RIPOR1: variants seen among roughly 807,000 people sequenced by gnomAD.
RIPOR1 encodes rho family-interacting cell polarization regulator 1.
Under a neutral mutation model 116.5 loss-of-function variants are expected in RIPOR1, and 58 were observed. That is an observed-to-expected ratio of 0.50 (90% confidence interval 0.40 to 0.62). The LOEUF is 0.62. RIPOR1 is among the 20% of genes least tolerant of loss of function. The pLI, the probability that RIPOR1 is intolerant of heterozygous loss-of-function variation, is 0.00. For missense variants in RIPOR1, 1,372 were observed against 1,586.2 expected (o/e 0.86, Z 2.29); for synonymous variants, 605 against 650.0 (o/e 0.93, Z 1.05).
In RIPOR1 at chr16:67,542,830, C is replaced by G; in HGVS notation, c.2044C>G (p.Leu682Val). The change falls in exon 13 of 22, where the codon CTA (leucine) becomes GTA (valine). Residue 682 changes from leucine to valine, a missense_variant. Coordinates refer to ENST00000042381, the MANE Select transcript of RIPOR1 (RefSeq NM_024519.4). The surrounding 1 kb of genome is among the most constrained non-coding windows in gnomAD (Gnocchi z 4.6). ...ILINVSPSTS[L>V]ELATLSSPSK... ...TATAAATGTAAGCCCTTCCACTTCTCTAGAACTTGCTACCCTCTCCAGCCC... is the reference window on the plus strand; with the variant it reads ...TATAAATGTAAGCCCTTCCACTTCTGTAGAACTTGCTACCCTCTCCAGCCC... The G allele has an allele frequency of 6.2e-7, 1 of 1,614,030 alleles. No individual in the cohort carries two copies. The highest frequency in any genetic ancestry group is 8.5e-7 in the Non-Finnish European group (1 of 1,180,004).
At chr16:67,532,036 C>T (rs1352812487) in intron 1 of RIPOR1, among the ~76,000 whole-genome samples, 4 of 151,882 alleles carry the variant, frequency 2.6e-5, no homozygotes, top group African/African-American at 4.8e-5. Flanking sequence ...GGACTACAGG[C>T]GCCAGCCACC....
Position 67,542,367 on chromosome 16 carries a change from A to C in RIPOR1, c.1581A>C (p.Leu527=). ...CAGACCCTGCCCCATCTGCACACCTAGACTCAGTTCATAAGTCCACAGACT... is the reference window on the plus strand; with the variant it reads ...CAGACCCTGCCCCATCTGCACACCTCGACTCAGTTCATAAGTCCACAGACT... The part of the protein sequence containing the change: ...TSTDPAPSAH[L]DSVHKSTDSG... Residue 527 remains leucine (L), a synonymous_variant, in exon 13 of 22, where the codon CTA becomes CTC. Transcript: ENST00000042381. This position sits in a 1 kb window ranked among gnomAD's most constrained non-coding sequence, Gnocchi z 4.6. 1 of 1,613,816 alleles carries C rather than the reference A, an allele frequency of 6.2e-7. No individual in the cohort carries two copies. The highest frequency in any genetic ancestry group is 1.1e-5 in the South Asian group (1 of 91,068).
At chr16:67,539,229 A>G (rs961840674) in intron 4 of RIPOR1, 161 bp downstream of exon 4, 4 of 636,236 alleles carry the variant, frequency 6.3e-6, no homozygotes, top group Admixed American at 6.3e-5. Context: ...CTATCCCCAA[A>G]CTTTGCTGTG....
rs749975909 is a variant in RIPOR1 at position 67,542,048 on chromosome 16, C to A, written c.1262C>A (p.Thr421Asn). Reference sequence around the variant, plus strand: ...CAAGTTGCCTTCCGCAGGCCTGAGACCCCCAGCTCTGGGCCCTTGGATGAG... The same window carrying A: ...CAAGTTGCCTTCCGCAGGCCTGAGAACCCCAGCTCTGGGCCCTTGGATGAG... Reference protein sequence around the residue: ...PIQVAFRRPETPSSGPLDEEG... With the variant: ...PIQVAFRRPENPSSGPLDEEG... Residue 421 changes from threonine (T) to asparagine (N), a missense_variant, in exon 13 of 22, where the codon ACC becomes AAC. Physicochemically the swap from Thr to Asn is moderately conservative, Grantham distance 65. This residue lies in a region of RIPOR1 where 1,005 missense variants were observed against 1,144.7 expected (regional missense o/e 0.88). Transcript: ENST00000042381. This position sits in a 1 kb window ranked among gnomAD's most constrained non-coding sequence, Gnocchi z 4.6. 2.5e-6 allele frequency: 4 copies of A among 1,606,116 alleles called. No individual in the cohort carries two copies. The highest frequency in any genetic ancestry group is 3.4e-6 in the Non-Finnish European group (4 of 1,174,188).
rs2142439409 is a variant in RIPOR1, at chr16:67,531,837, G to A, written c.-24+2923G>A. ...AGTGATATTAAAGATTTAGAGTCCT[G>A]GGGTCAGACAGCCTGGGTTTGAATC... On this transcript the variant is annotated intron_variant, in intron 1 of 21. Transcript: ENST00000042381. The surrounding 1 kb of genome is among the most constrained non-coding windows in gnomAD (Gnocchi z 4.2). Among the ~76,000 whole-genome samples, 1 of 152,258 alleles carries A rather than the reference G, an allele frequency of 6.6e-6. No individual in the cohort carries two copies. The highest frequency in any genetic ancestry group is 1.5e-5 in the Non-Finnish European group (1 of 68,008).
chr16:67,527,672 C>A (rs35920865), upstream of RIPOR1, among the ~76,000 whole-genome samples: 55 of 151,946 alleles, frequency 3.6e-4, no homozygotes, highest in African/African-American at 1.2e-3. Flanking sequence ...GTCAGGAGAT[C>A]GAGACCATCC....
chr16:67,526,817 G>A (rs1295155893), upstream of RIPOR1, among the ~76,000 whole-genome samples: 4 of 152,328 alleles, frequency 2.6e-5, no homozygotes, highest in East Asian at 5.8e-4. Flanking sequence ...TGGCTGAGAG[G>A]TGACTTTAGG....
intron 1 of RIPOR1, among the ~76,000 whole-genome samples, chr16:67,535,782 A>T (rs1237490377): frequency 6.6e-6 from 1 of 152,076 alleles, no homozygotes; most frequent in Admixed American, 6.5e-5. Flanking sequence ...GGCAGGTGAT[A>T]AGGCTGGGGA....
intron 1 of RIPOR1, among the ~76,000 whole-genome samples, chr16:67,520,324 T>C (rs1230560158): frequency 1.3e-5 from 2 of 148,190 alleles, no homozygotes; most frequent in African/African-American, 5.0e-5. Context: ...GAAGTTGCAG[T>C]GAGCTGAGAT....
chr16:67,529,817 A>T lies in RIPOR1; in HGVS notation c.-24+903A>T, dbSNP rs1167533893. On this transcript the variant is annotated intron_variant, in intron 1 of 21. Transcript: ENST00000042381. This position sits in a 1 kb window ranked among gnomAD's most constrained non-coding sequence, Gnocchi z 4.1. ...TTCGGCCAACGCACAGCATCTGAGGAGGGTTATGACCATCTGGCAGATGCA... is the reference window on the plus strand; with the variant it reads ...TTCGGCCAACGCACAGCATCTGAGGTGGGTTATGACCATCTGGCAGATGCA... The T allele has an allele frequency of 3.3e-6, 5 of 1,535,888 alleles. No individual in the cohort carries two copies. The highest frequency in any genetic ancestry group is 4.4e-6 in the Non-Finnish European group (5 of 1,146,878).
In RIPOR1 at chr16:67,541,388, C is replaced by G; in HGVS notation, c.802-42C>G. On this transcript the variant is annotated intron_variant, in intron 10 of 21. Coordinates refer to ENST00000042381, the MANE Select transcript of RIPOR1 (RefSeq NM_024519.4). The surrounding 1 kb of genome is among the most constrained non-coding windows in gnomAD (Gnocchi z 4.6). ...CCTCAGATTTCCCATGATCTCATAGCCCCTGCACCCTTGTGACCCTACCAT... is the reference window on the plus strand; with the variant it reads ...CCTCAGATTTCCCATGATCTCATAGGCCCTGCACCCTTGTGACCCTACCAT... 6.3e-7 allele frequency: 1 copy of G among 1,593,826 alleles called. No homozygotes were observed. The highest frequency in any genetic ancestry group is 8.6e-7 in the Non-Finnish European group (1 of 1,168,368).
In RIPOR1 at chr16:67,542,116, T is replaced by G; in HGVS notation, c.1330T>G (p.Tyr444Asp). 6.2e-7 allele frequency: 1 copy of G among 1,613,224 alleles called. No homozygotes were observed. Among genetic ancestry groups the G allele is most frequent in the Non-Finnish European group, 8.5e-7 (1 of 1,179,330 alleles). Reference protein sequence around the residue: ...APVLANGHAPYSRTLSHISEA... With the variant: ...APVLANGHAPDSRTLSHISEA... The stretch of plus-strand genomic sequence containing the variant: ...AGTCCTGGCAAATGGGCATGCACCC[T>G]ACAGTCGGACTCTGAGCCACATCAG... Residue 444 changes from tyrosine to aspartate, a missense_variant, in exon 13 of 22, where the codon TAC (tyrosine) becomes GAC (aspartate). Tyr to Asp is a radical substitution (Grantham distance 160, BLOSUM62 -3). Transcript: ENST00000042381. This position sits in a 1 kb window ranked among gnomAD's most constrained non-coding sequence, Gnocchi z 4.6.
At chr16:67,525,251 G>T (rs1183177409), upstream of RIPOR1, among the ~76,000 whole-genome samples, 1 of 152,166 alleles carries the variant, frequency 6.6e-6, no homozygotes, top group Non-Finnish European at 1.5e-5. Flanking sequence ...AGCATTTGGG[G>T]ACTTGGGAGG....
chr16:67,543,430 A>G lies in RIPOR1; in HGVS notation c.2561A>G (p.Asn854Ser), dbSNP rs149083649. Residue 854 changes from asparagine (N) to serine (S), a missense_variant, in exon 14 of 22, where the codon AAT (asparagine) becomes AGT (serine). This residue lies in a region of RIPOR1 where 1,005 missense variants were observed against 1,144.7 expected (regional missense o/e 0.88). Transcript: ENST00000042381. This position sits in a 1 kb window ranked among gnomAD's most constrained non-coding sequence, Gnocchi z 4.7. Reference protein sequence around the residue: ...EHALESFSFLNEDEDEDNDVP... With the variant: ...EHALESFSFLSEDEDEDNDVP... ...GCCTTGGAGAGCTTCAGCTTCCTCA[A>G]TGAAGACGAAGATGAAGACAATGAT... 1.3e-5 allele frequency: 20 copies of G among 1,563,846 alleles called. No homozygotes were observed. Among genetic ancestry groups the G allele is most frequent in the African/African-American group, 1.2e-4 (9 of 73,944 alleles).
intron 4 of RIPOR1, 70 bp from the exon 5 acceptor site, chr16:67,539,658 A>T: frequency 6.4e-7 from 1 of 1,573,686 alleles, no homozygotes; most frequent in Non-Finnish European, 8.7e-7. Context: ...AGCTGTGACG[A>T]GTCTGAGTGC....
In RIPOR1 at chr16:67,538,758, C is replaced by T. The variant is rs753450193; in HGVS notation, c.191C>T (p.Pro64Leu). 1 of 1,613,536 alleles carries T rather than the reference C, an allele frequency of 6.2e-7. No individual in the cohort carries two copies. Among genetic ancestry groups the T allele is most frequent in the Admixed American group, 1.7e-5 (1 of 60,030 alleles). The change falls in exon 3 of 22, where the codon CCA becomes CTA. Residue 64 changes from proline (P) to leucine (L), a missense_variant. Physicochemically the swap from Pro to Leu is moderately conservative, Grantham distance 98. This residue lies in a region of RIPOR1 where 165 missense variants were observed against 145.5 expected (regional missense o/e 1.13). Transcript: ENST00000042381. ...RVSRMFSVAHPAAKVPQPERL... is the reference protein window; with the variant it reads ...RVSRMFSVAHLAAKVPQPERL... ...TCCAGGATGTTTTCCGTGGCTCACC[C>T]AGCCGCCAAGGTGCCGCAGCCCGAG... is the stretch of plus-strand genomic sequence containing the variant.
intron 20 of RIPOR1, 26 bp downstream of exon 20, chr16:67,546,058 C>G: frequency 6.2e-7 from 1 of 1,610,870 alleles, no homozygotes; most frequent in Non-Finnish European, 8.5e-7. Context: ...CCTCCCACCC[C>G]TCTGTCCGCT....
In RIPOR1 at chr16:67,545,479, G is replaced by A. The variant is rs1323165493; in HGVS notation, c.3135G>A (p.Val1045=). ...CAGTCTTCCAGTTCTGGAGTTTTGTGGAAACCTTGGACAGCCCCACCATGG... is the reference window on the plus strand; with the variant it reads ...CAGTCTTCCAGTTCTGGAGTTTTGTAGAAACCTTGGACAGCCCCACCATGG... ...QLTVFQFWSF[V]ETLDSPTMEA... The change falls in exon 18 of 22, where the codon GTG becomes GTA. Residue 1045 remains valine (V), a synonymous_variant. Coordinates refer to ENST00000042381, the MANE Select transcript of RIPOR1 (RefSeq NM_024519.4). This position sits in a 1 kb window ranked among gnomAD's most constrained non-coding sequence, Gnocchi z 4.8. 1.5e-5 allele frequency: 24 copies of A among 1,613,896 alleles called. No homozygotes were observed. Among genetic ancestry groups the A allele is most frequent in the Non-Finnish European group, 1.9e-5 (23 of 1,180,032 alleles).
Position 67,541,462 on chromosome 16 carries a change from G to A in RIPOR1, c.834G>A (p.Val278=), listed in dbSNP as rs1272346561. ...AACTGAAGGGCCTGGCCAACCATGT[G>A]GTTGTGGGCAGTGTCTCCTGTGAGA... ...VTELKGLANH[V]VVGSVSCETK... The change falls in exon 11 of 22, where the codon GTG becomes GTA. Residue 278 remains valine, a synonymous_variant. Transcript: ENST00000042381. The surrounding 1 kb of genome is among the most constrained non-coding windows in gnomAD (Gnocchi z 4.6). The A allele has an allele frequency of 6.2e-7, 1 of 1,613,988 alleles. No homozygotes were observed. The highest frequency in any genetic ancestry group is 1.3e-5 in the African/African-American group (1 of 74,898).
Sources: allele counts gnomAD v4.1 joint callset (sites outside exome capture counted in the v4.1 genomes callset), GRCh38; gene constraint gnomAD v4.1.1; regional missense constraint gnomAD v4.1.1; non-coding constraint Gnocchi (gnomAD v3.1); transcripts MANE v1.5; gene names NCBI Gene and HGNC (gene_info 2026-07-23, HGNC 2026-07-21).